Variants in CRTC3 observed in about 807,000 individuals in gnomAD.
CRTC3 encodes CREB-regulated transcription coactivator 3.
In CRTC3, 26 loss-of-function variants were observed where a neutral mutation model predicts 74.5. The ratio of observed to expected loss-of-function variants is 0.35; its 90% CI spans 0.26 to 0.48. The LOEUF (loss-of-function observed/expected upper bound fraction) is 0.48, where lower values mean the gene tolerates loss of function less well. Among genes scored for constraint, CRTC3 ranks in the 20% least tolerant of loss-of-function variants. CRTC3 has a pLI of 0.99. For missense variants in CRTC3, 760 were observed against 787.3 expected (o/e 0.97, Z 0.41); for synonymous variants, 377 against 325.8 (o/e 1.16, Z -1.69).
intron 6 of CRTC3, among the ~76,000 whole-genome samples, chr15:90,608,614 C>T (rs1464714588): frequency 6.6e-6 from 1 of 152,358 alleles, no homozygotes; most frequent in Non-Finnish European, 1.5e-5. Context: ...CAATGCTTGG[C>T]TGCTTTTTTA....
rs1049099657 is a variant in CRTC3, at chr15:90,644,112, A to G, written c.*1972A>G. On this transcript the variant is annotated 3_prime_UTR_variant, in exon 15 of 15. Coordinates refer to ENST00000268184, the MANE Select transcript of CRTC3 (RefSeq NM_022769.5). ...CAAATCTTTGCTGTGGAATTGGGAA[A>G]TCAAACCAGAGTCCTCCTCGCCTGA... The G allele has an allele frequency of 4.4e-6, 1 of 229,614 alleles. No individual in the cohort carries two copies. Among genetic ancestry groups the G allele is most frequent in the African/African-American group, 2.2e-5 (1 of 45,144 alleles). 14.2% of individuals were successfully genotyped at this position (229,614 alleles called of 1,614,324 possible). A position where few individuals can be genotyped will look rare whatever the true frequency, so the allele number is the denominator to read the frequency against.
chr15:90,546,419 T>A lies in CRTC3; in HGVS notation c.231+6282T>A, dbSNP rs538195303. 2.0e-5 allele frequency among the ~76,000 whole-genome samples: 3 copies of A among 152,270 alleles called. No homozygotes were observed. In the East Asian group the frequency reaches 5.8e-4, roughly 29 times the overall value. ...TTTGTCTATCATTTTGCTAATACCA[T>A]CTTCTGTGTCATTGGTTTCTTTGTC... On this transcript the variant is annotated intron_variant, in intron 2 of 14. Transcript: ENST00000268184.
At chr15:90,588,259 C>A (rs78492355) in intron 2 of CRTC3, among the ~76,000 whole-genome samples, 156 of 137,746 alleles carry the variant, frequency 1.1e-3, no homozygotes, top group Middle Eastern at 3.7e-3. Flanking sequence ...GACTCTGTCT[C>A]AAAAAAAAAA....
chr15:90,638,510 C>G lies in CRTC3; in HGVS notation c.1331C>G (p.Pro444Arg). 1 of 1,613,956 alleles carries G rather than the reference C, an allele frequency of 6.2e-7. No homozygotes were observed. The change falls in exon 12 of 15, where the codon CCG (proline) becomes CGG (arginine). Residue 444 changes from proline (P) to arginine (R), a missense_variant. Pro to Arg is a moderately radical substitution (Grantham distance 103). Around this residue, in one of 2 missense-constraint regions of CRTC3, gnomAD observed 652 missense variants for 635.2 expected, o/e 1.03. Transcript: ENST00000268184. ...ACAGAAGCTCAAGCCCAGGTGTCGC[C>G]GCCACCCCCTTACCCTGCACCCCAG... The part of the protein sequence containing the change: ...LPTEAQAQVS[P>R]PPPYPAPQEL...
intron 2 of CRTC3, among the ~76,000 whole-genome samples, chr15:90,565,311 C>A (rs1486471136): frequency 6.6e-6 from 1 of 152,144 alleles, no homozygotes; most frequent in South Asian, 2.1e-4. Flanking sequence ...AGTAGCACTT[C>A]ACAGTGTCGT....
At chr15:90,533,345 CG>C (rs1190237341) in intron 1 of CRTC3, among the ~76,000 whole-genome samples, 1 of 148,594 alleles carries the variant, frequency 6.7e-6, no homozygotes. Flanking sequence ...GGCGTGAACC[CG>C]GAAGGCGGAG....
At chr15:90,627,847 C>T (rs1392259899) in intron 10 of CRTC3, among the ~76,000 whole-genome samples, 2 of 76,614 alleles carry the variant, frequency 2.6e-5, no homozygotes, top group African/African-American at 3.5e-5. Flanking sequence ...ATCTCCTGAC[C>T]TCATGATCCA....
chr15:90,533,723 T>C (rs887581961), intron 1 of CRTC3, among the ~76,000 whole-genome samples: 2 of 152,164 alleles, frequency 1.3e-5, no homozygotes, highest in African/African-American at 4.8e-5. Context: ...TAGGATTTAA[T>C]GAGGAAGACA....
chr15:90,546,919 G>A (rs575973758), intron 2 of CRTC3, among the ~76,000 whole-genome samples: 37 of 152,122 alleles, frequency 2.4e-4, no homozygotes, highest in Admixed American at 4.6e-4. Flanking sequence ...CACAACGCCC[G>A]GCCAACACCT....
At chr15:90,584,473 G>A (rs1350378453) in intron 2 of CRTC3, among the ~76,000 whole-genome samples, 2 of 152,022 alleles carry the variant, frequency 1.3e-5, no homozygotes, top group African/African-American at 4.8e-5. Context: ...CTGACCTCAG[G>A]TGATCCTCCC....
chr15:90,622,684 C>T (rs984700670), intron 9 of CRTC3, among the ~76,000 whole-genome samples: 1 of 152,074 alleles, frequency 6.6e-6, no homozygotes, highest in Non-Finnish European at 1.5e-5. Flanking sequence ...AACCCTGTCT[C>T]TACTAAAAAT....
chr15:90,633,862 C>G (rs778492361), intron 11 of CRTC3, among the ~76,000 whole-genome samples: 1 of 152,008 alleles, frequency 6.6e-6, no homozygotes, highest in Admixed American at 6.6e-5. Flanking sequence ...TCTTCCAACA[C>G]TTCTGTTGAG....
At chr15:90,534,899 C>T (rs1045655681) in intron 1 of CRTC3, among the ~76,000 whole-genome samples, 15 of 152,266 alleles carry the variant, frequency 9.9e-5, no homozygotes, top group African/African-American at 3.6e-4. Context: ...GTGGCTCACG[C>T]CTGTAATCCC....
At position 90,598,448 on chromosome 15, in the gene CRTC3, A is replaced by T. The variant is rs147526831; in HGVS notation, c.352-3876A>T. On this transcript the variant is annotated intron_variant, in intron 3 of 14. Transcript: ENST00000268184. ...AGAACTGTTCCCTCTAACACTCCACAGGTTGAGAGGAACAGCAGTCCCTGT... is the reference window on the plus strand; with the variant it reads ...AGAACTGTTCCCTCTAACACTCCACTGGTTGAGAGGAACAGCAGTCCCTGT... The T allele has an allele frequency of 2.4e-4, 170 of 703,008 alleles. 2 individuals are homozygous for T. The East Asian group carries it at 4.3e-3, about 18-fold the overall frequency. The allele number at this position is 703,008 out of a possible 1,614,324, so 43.5% of individuals were successfully genotyped here. A position where few individuals can be genotyped will look rare whatever the true frequency, so the allele number is the denominator to read the frequency against.
chr15:90,622,394 G>A (rs1968681735), intron 9 of CRTC3, among the ~76,000 whole-genome samples: 1 of 152,082 alleles, frequency 6.6e-6, no homozygotes, highest in African/African-American at 2.4e-5. Flanking sequence ...TCCCTGCCGC[G>A]CCCCTGCTCT....
chr15:90,596,820 A>G (rs1485466483), intron 3 of CRTC3, among the ~76,000 whole-genome samples: 3 of 152,252 alleles, frequency 2.0e-5, no homozygotes, highest in Non-Finnish European at 4.4e-5. Context: ...AGTATAAAAC[A>G]CTAGTTTGAA....
intron 2 of CRTC3, among the ~76,000 whole-genome samples, chr15:90,579,634 C>CTTTTTTTTTTTTT (rs146273285): frequency 8.3e-5 from 7 of 84,198 alleles, no homozygotes; most frequent in Non-Finnish European, 1.1e-4. Flanking sequence ...ACGTATTTCA[C>CTTTTTTTTTTTTT]TTTTTTTTTT....
Position 90,629,497 on chromosome 15 carries a change from T to G in CRTC3, c.1231T>G (p.Ser411Ala). The part of the protein sequence containing the change: ...AHQGFSRQLS[S>A]TSPLAPYPTS... ...TCAAGGTTTCAGCAGACAGCTGTCT[T>G]CAACCAGCCCACTGGCCCCATATCC... Residue 411 changes from serine (S) to alanine (A), a missense_variant, in exon 11 of 15, where the codon TCA (serine) becomes GCA (alanine). Ser to Ala is a moderately conservative substitution (Grantham distance 99). Coordinates refer to ENST00000268184, the MANE Select transcript of CRTC3 (RefSeq NM_022769.5). 1.2e-6 allele frequency: 2 copies of G among 1,614,078 alleles called. No individual in the cohort carries two copies. Among genetic ancestry groups the G allele is most frequent in the Non-Finnish European group, 1.7e-6 (2 of 1,180,022 alleles).
chr15:90,628,594 A>T (rs935193332), intron 10 of CRTC3, among the ~76,000 whole-genome samples: 1 of 152,084 alleles, frequency 6.6e-6, no homozygotes, highest in Non-Finnish European at 1.5e-5. Context: ...TCATGATCAA[A>T]TTCACCCCTG....
Sources: allele counts gnomAD v4.1 joint callset (sites outside exome capture counted in the v4.1 genomes callset), GRCh38; gene constraint gnomAD v4.1.1; regional missense constraint gnomAD v4.1.1; transcripts MANE v1.5; gene names NCBI Gene and HGNC (gene_info 2026-07-23, HGNC 2026-07-21).